LRRC37A3: variants seen among roughly 807,000 people sequenced by gnomAD.
LRRC37A3 encodes leucine rich repeat containing 37 member A3.
Under a neutral mutation model 106.2 loss-of-function variants are expected in LRRC37A3, and 25 were observed. That is an observed-to-expected ratio of 0.24 (90% CI 0.17 to 0.33). The LOEUF (loss-of-function observed/expected upper bound fraction) is 0.33. LRRC37A3 is among the 10% of genes least tolerant of loss of function. The probability of loss-of-function intolerance (pLI) is 1.00; values close to 1 mark genes in which losing one functional copy is unlikely to be tolerated. For synonymous variants in LRRC37A3, 305 were observed against 635.8 expected, an observed-to-expected ratio of 0.48 and a Z score of 7.83; for missense variants, 712 against 1,644.9, an observed-to-expected ratio of 0.43 and a Z score of 9.81.
At chr17:64,855,960 C>T (rs1972664535) in intron 13 of LRRC37A3, 71 bp from the exon 14 acceptor site, 1 of 1,607,326 alleles carries the variant, frequency 6.2e-7, no homozygotes, top group Non-Finnish European at 8.5e-7. Context: ...GTATTGATTC[C>T]TTTTATTCAT....
chr17:64,866,045 TA>T (rs1881554764), intron 10 of LRRC37A3, among the ~76,000 whole-genome samples: 1 of 151,938 alleles, frequency 6.6e-6, no homozygotes, highest in African/African-American at 2.4e-5. Flanking sequence ...ACTTTGTACA[TA>T]AATGTGTAAA....
intron 8 of LRRC37A3, among the ~76,000 whole-genome samples, chr17:64,878,031 G>T (rs1240115147): frequency 6.6e-6 from 1 of 152,102 alleles, no homozygotes; most frequent in Non-Finnish European, 1.5e-5. Flanking sequence ...ATACCTAAAT[G>T]TAAGAGCCAA....
Position 64,858,880 on chromosome 17 carries a change from TG to T in LRRC37A3, c.4707del (p.Phe1569LeufsTer18). The stretch of plus-strand genomic sequence containing the variant: ...TAGCCATATCCTGGAAGTTCTTTTG[TG>T]AACTAAAAAAAAAAAAACCAGAATG... ...QSEQKEKSLEFTKELPGYGYT... is the reference protein window; with the variant it reads ...QSEQKEKSLEXTKELPGYGYT... On this transcript the variant is annotated frameshift_variant and splice_region_variant, in exon 13 of 15. Coordinates refer to ENST00000584306, the MANE Select transcript of LRRC37A3 (RefSeq NM_199340.5). LOFTEE classifies it high-confidence loss of function. 6.3e-7 allele frequency: 1 copy of T among 1,594,842 alleles called. No individual in the cohort carries two copies. The highest frequency in any genetic ancestry group is 1.8e-5 in the Admixed American group (1 of 56,366).
At chr17:64,856,773 C>T (rs2143353749) in intron 13 of LRRC37A3, among the ~76,000 whole-genome samples, 1 of 150,066 alleles carries the variant, frequency 6.7e-6, no homozygotes. Flanking sequence ...AAACCTGAGT[C>T]CTTCCTCTGA....
chr17:64,908,905 T>C (rs1974522737), intron 2 of LRRC37A3, among the ~76,000 whole-genome samples: 1 of 150,448 alleles, frequency 6.6e-6, no homozygotes, highest in African/African-American at 2.5e-5. Flanking sequence ...TCTCTAAAAA[T>C]ATTTTAAGAA....
intron 8 of LRRC37A3, among the ~76,000 whole-genome samples, chr17:64,877,477 C>T (rs1331530830): frequency 6.6e-6 from 1 of 152,174 alleles, no homozygotes; most frequent in Non-Finnish European, 1.5e-5. Context: ...GCTGGGATTA[C>T]AGGCATGAGC....
At chr17:64,912,958 T>C (rs1974622323) in intron 2 of LRRC37A3, among the ~76,000 whole-genome samples, 1 of 148,630 alleles carries the variant, frequency 6.7e-6, no homozygotes, top group African/African-American at 2.5e-5. Context: ...AGATATGTCA[T>C]TTTAACACTA....
At chr17:64,884,566 T>G (rs1338722231) in intron 8 of LRRC37A3, among the ~76,000 whole-genome samples, 3 of 149,766 alleles carry the variant, frequency 2.0e-5, no homozygotes, top group African/African-American at 7.6e-5. Flanking sequence ...GGTTTCACCA[T>G]GTTGGTCAGG....
intron 12 of LRRC37A3, 95 bp downstream of exon 12, chr17:64,859,347 T>C (rs1972788503): frequency 1.5e-6 from 2 of 1,337,774 alleles, no homozygotes; most frequent in Non-Finnish European, 2.1e-6. Flanking sequence ...AGATAAGCTA[T>C]GGCCTGGGAG....
chr17:64,899,665 C>T (rs1371199542), intron 2 of LRRC37A3: 4 of 145,684 alleles, frequency 2.7e-5, no homozygotes, highest in Non-Finnish European at 5.9e-5. Context: ...AAAGCTGTAG[C>T]GCAATCATTC....
intron 8 of LRRC37A3, among the ~76,000 whole-genome samples, chr17:64,872,139 A>G (rs1335595788): frequency 2.7e-5 from 4 of 148,828 alleles, no homozygotes; most frequent in African/African-American, 7.4e-5. Context: ...CTCAAAAAAA[A>G]AAAAAAAAAA....
intron 10 of LRRC37A3, chr17:64,863,239 T>C: frequency 1.7e-6 from 1 of 578,902 alleles, no homozygotes; most frequent in East Asian, 2.9e-5. Context: ...ATAAAGATGG[T>C]TGGGATTAGA....
At chr17:64,856,877 C>G (rs1305027387) in intron 13 of LRRC37A3, among the ~76,000 whole-genome samples, 2 of 151,642 alleles carry the variant, frequency 1.3e-5, no homozygotes, top group Non-Finnish European at 2.9e-5. Context: ...CCCAGCCACT[C>G]AGGAAGCTGA....
At position 64,862,968 on chromosome 17, in the gene LRRC37A3, A is replaced by G. The variant is rs746408294; in HGVS notation, c.3104T>C (p.Ile1035Thr). The change falls in exon 11 of 15, where the codon ATT (isoleucine) becomes ACT (threonine). Residue 1035 changes from isoleucine (I) to threonine (T), a missense_variant. Ile to Thr is a moderately conservative substitution (Grantham distance 89, BLOSUM62 -1). Transcript: ENST00000584306. ...ACCLCQFKNS[I>T]EAVCKTVKLH... ...CTTGACTGTCTTGCAGACAGCCTCA[A>G]TGCTGTTTTTAAATTGGCAGAGGCA... The G allele has an allele frequency of 1.3e-6, 2 of 1,598,568 alleles. No individual in the cohort carries two copies. The highest frequency in any genetic ancestry group is 1.1e-5 in the South Asian group (1 of 91,026).
intron 10 of LRRC37A3, among the ~76,000 whole-genome samples, chr17:64,865,686 T>C (rs922614351): frequency 3.9e-5 from 6 of 152,198 alleles, no homozygotes; most frequent in African/African-American, 1.4e-4. Context: ...AAGACTTCAG[T>C]GTGCAGCCCC....
chr17:64,863,163 A>C, intron 10 of LRRC37A3, 145 bp from the exon 11 acceptor site: 1 of 1,038,194 alleles, frequency 9.6e-7, no homozygotes, highest in Non-Finnish European at 1.5e-6. Flanking sequence ...CCAGAAGGCC[A>C]ATAGGAAGGA....
intron 13 of LRRC37A3, among the ~76,000 whole-genome samples, 163 bp downstream of exon 13, chr17:64,858,616 T>C (rs1410001912): frequency 6.6e-6 from 1 of 152,186 alleles, no homozygotes; most frequent in African/African-American, 2.4e-5. Context: ...TCCTGAAATA[T>C]ACACTGCAGT....
At chr17:64,901,170 T>C (rs1176292528) in intron 2 of LRRC37A3, 1 of 150,092 alleles carries the variant, frequency 6.7e-6, no homozygotes, top group African/African-American at 2.5e-5. Flanking sequence ...CACAGCTCAG[T>C]TTTTAACATA....
chr17:64,913,382 C>T (rs1974633764), intron 2 of LRRC37A3, among the ~76,000 whole-genome samples: 1 of 149,082 alleles, frequency 6.7e-6, no homozygotes, highest in Admixed American at 6.8e-5. Context: ...GCTCTGCTTC[C>T]CAGGCTGGGG....
Sources: allele counts gnomAD v4.1 joint callset (sites outside exome capture counted in the v4.1 genomes callset), GRCh38; gene constraint gnomAD v4.1.1; transcripts MANE v1.5; gene names NCBI Gene and HGNC (gene_info 2026-07-23, HGNC 2026-07-21).